The following NALF1 variants were observed in gnomAD, a reference collection of about 807,000 sequenced individuals.
The protein encoded by NALF1 is NALCN channel auxiliary factor 1, also known as family with sequence similarity 155 member A.
In NALF1, 3 loss-of-function variants were observed where a neutral mutation model predicts 48.4. That is an observed-to-expected ratio of 0.06 (90% CI 0.03 to 0.16). The LOEUF (loss-of-function observed/expected upper bound fraction) is 0.16. NALF1 is among the 10% of genes least tolerant of loss of function. The pLI, the probability that NALF1 is intolerant of heterozygous loss-of-function variation, is 1.00. For synonymous variants in NALF1, 262 were observed against 245.7 expected (o/e 1.07, Z -0.62); for missense variants, 526 against 571.5 (o/e 0.92, Z 0.81).
At chr13:107,198,645 T>A (rs552952774) in intron 2 of NALF1, among the ~76,000 whole-genome samples, 34 of 152,358 alleles carry the variant, frequency 2.2e-4, no homozygotes, top group African/African-American at 7.9e-4. Context: ...GCTCAGCGTA[T>A]TCCTCTGCTA....
chr13:107,587,713 G>A (rs1180840297), intron 1 of NALF1, among the ~76,000 whole-genome samples: 1 of 152,162 alleles, frequency 6.6e-6, no homozygotes, highest in Non-Finnish European at 1.5e-5. Context: ...TTTGTCCAGA[G>A]ACGAACAATG....
chr13:107,445,962 T>G (rs181785384), intron 1 of NALF1, among the ~76,000 whole-genome samples: 1 of 152,258 alleles, frequency 6.6e-6, no homozygotes, highest in Admixed American at 6.5e-5. Flanking sequence ...TTTTTTTAGA[T>G]GGAATCTCGC....
intron 1 of NALF1, among the ~76,000 whole-genome samples, chr13:107,341,036 C>G (rs1459819714): frequency 6.6e-6 from 1 of 151,988 alleles, no homozygotes; most frequent in Admixed American, 6.6e-5. Flanking sequence ...CTCCTAGTAT[C>G]ACCCCCCACC....
At position 107,678,251 on chromosome 13, in the gene NALF1, G is replaced by C. The variant is rs531219963; in HGVS notation, c.915+187431C>G. Among the ~76,000 whole-genome samples the C allele has an allele frequency of 2.0e-5, 3 of 152,286 alleles. No homozygotes were observed. In the East Asian group the frequency reaches 5.8e-4, roughly 29 times the overall value. Reference sequence around the variant, plus strand: ...ACAGGAGGACATGGTGAACGGGAGGGATGAACTGTGTGCTCAGCGTATGGC... The same window carrying C: ...ACAGGAGGACATGGTGAACGGGAGGCATGAACTGTGTGCTCAGCGTATGGC... On this transcript the variant is annotated intron_variant, in intron 1 of 2. Coordinates refer to ENST00000375915, the MANE Select transcript of NALF1 (RefSeq NM_001080396.3).
chr13:107,282,709 A>G (rs534845114), intron 1 of NALF1, among the ~76,000 whole-genome samples: 1 of 152,312 alleles, frequency 6.6e-6, no homozygotes. Context: ...TCTTGCCAAC[A>G]GCCAGCACTA....
chr13:107,524,777 A>C (rs1356289348), intron 1 of NALF1, among the ~76,000 whole-genome samples: 1 of 152,094 alleles, frequency 6.6e-6, no homozygotes, highest in Non-Finnish European at 1.5e-5. Context: ...CAGGAACTCA[A>C]AACCTTGGGT....
chr13:107,472,216 G>A (rs191978801), intron 1 of NALF1, among the ~76,000 whole-genome samples: 2 of 152,152 alleles, frequency 1.3e-5, no homozygotes, highest in African/African-American at 4.8e-5. Context: ...GTAATCCCAG[G>A]TACTTGGGAG....
At chr13:107,519,898 C>T (rs76949078) in intron 1 of NALF1, among the ~76,000 whole-genome samples, 1,929 of 152,236 alleles carry the variant, frequency 0.013, 22 homozygotes, top group Middle Eastern at 0.037. Flanking sequence ...TCTCAAACTA[C>T]AGAGAATGGA....
intron 1 of NALF1, among the ~76,000 whole-genome samples, chr13:107,607,723 A>C (rs1879111586): frequency 6.6e-6 from 1 of 152,128 alleles, no homozygotes; most frequent in African/African-American, 2.4e-5. Flanking sequence ...TCTCTCACTT[A>C]CTAGCTGTGT....
intron 1 of NALF1, among the ~76,000 whole-genome samples, chr13:107,545,301 A>G (rs896637044): frequency 2.0e-5 from 3 of 152,346 alleles, no homozygotes; most frequent in South Asian, 4.1e-4. Context: ...ATAGCCTGCA[A>G]CCTGGAAGCT....
intron 1 of NALF1, among the ~76,000 whole-genome samples, chr13:107,513,709 G>C (rs780479706): frequency 3.3e-5 from 5 of 152,182 alleles, no homozygotes; most frequent in Non-Finnish European, 7.3e-5. Context: ...TCTTCCAGGA[G>C]AATGGCTGAA....
At chr13:107,346,487 TGAG>T (rs1474272829) in intron 1 of NALF1, among the ~76,000 whole-genome samples, 1 of 152,158 alleles carries the variant, frequency 6.6e-6, no homozygotes, top group Non-Finnish European at 1.5e-5. Flanking sequence ...GGATAAACCT[TGAG>T]GAGATTATGC....
intron 1 of NALF1, among the ~76,000 whole-genome samples, chr13:107,635,686 G>A (rs1023485562): frequency 5.3e-5 from 8 of 152,222 alleles, no homozygotes; most frequent in Middle Eastern, 3.4e-3. Flanking sequence ...TAATGAACCT[G>A]TAGCTTTGTT....
intron 1 of NALF1, among the ~76,000 whole-genome samples, chr13:107,536,813 A>T (rs939048344): frequency 1.3e-5 from 2 of 152,206 alleles, no homozygotes; most frequent in African/African-American, 4.8e-5. Flanking sequence ...ACAATAGCAA[A>T]GACTTGGAAC....
Position 107,299,435 on chromosome 13 carries a change from C to CAATAATAATAATAAT in NALF1, c.916-88695_916-88681dup, listed in dbSNP as rs549026613. On this transcript the variant is annotated intron_variant, in intron 1 of 2. Coordinates refer to ENST00000375915, the MANE Select transcript of NALF1 (RefSeq NM_001080396.3). ...TGGGCTACAGAGCGAGACTTTGTCT[C>CAATAATAATAATAAT]AATAATAATAATAATAATAATAATA... is the stretch of plus-strand genomic sequence containing the variant. 9.0e-3 allele frequency among the ~76,000 whole-genome samples: 1,122 copies of CAATAATAATAATAAT among 124,078 alleles called. 15 individuals carry two copies. Among genetic ancestry groups the CAATAATAATAATAAT allele is most frequent in the South Asian group, 0.027 (86 of 3,158 alleles). 81.4% of individuals were successfully genotyped at this position (124,078 alleles called of 152,430 possible).
intron 1 of NALF1, among the ~76,000 whole-genome samples, chr13:107,315,142 C>T: frequency 6.6e-6 from 1 of 151,946 alleles, no homozygotes; most frequent in South Asian, 2.1e-4. Flanking sequence ...TTCTGAATGC[C>T]CTTTCTTTGT....
At chr13:107,853,178 T>C (rs1309491484) in intron 1 of NALF1, among the ~76,000 whole-genome samples, 1 of 152,222 alleles carries the variant, frequency 6.6e-6, no homozygotes, top group Non-Finnish European at 1.5e-5. Context: ...TGTTCTCCAG[T>C]TGTAAAAGAA....
intron 1 of NALF1, among the ~76,000 whole-genome samples, chr13:107,584,665 T>A (rs1048904811): frequency 6.6e-6 from 1 of 152,198 alleles, no homozygotes; most frequent in Non-Finnish European, 1.5e-5. Flanking sequence ...TTTTTATTAC[T>A]CGTATTTTTC....
intron 1 of NALF1, among the ~76,000 whole-genome samples, chr13:107,672,437 C>T (rs544562313): frequency 3.3e-5 from 5 of 152,176 alleles, no homozygotes; most frequent in East Asian, 3.9e-4. Flanking sequence ...CCTGTAGACA[C>T]GGTGGTGAAA....
Sources: allele counts gnomAD v4.1 joint callset (sites outside exome capture counted in the v4.1 genomes callset), GRCh38; gene constraint gnomAD v4.1.1; transcripts MANE v1.5; gene names NCBI Gene and HGNC (gene_info 2026-07-23, HGNC 2026-07-21).